SEMA4A: variants seen among roughly 807,000 people sequenced by gnomAD.
SEMA4A encodes semaphorin-4A.
Under a neutral mutation model 72.5 loss-of-function variants are expected in SEMA4A, and 52 were observed. The ratio of observed to expected loss-of-function variants is 0.72; its 90% CI spans 0.57 to 0.90. SEMA4A has a LOEUF of 0.90. Ranked by LOEUF, SEMA4A falls within the 40% of genes least tolerant of loss-of-function variation. SEMA4A has a pLI of 0.00. For synonymous variants in SEMA4A, 369 were observed against 393.1 expected (o/e 0.94, Z 0.73); for missense variants, 926 against 959.7 (o/e 0.96, Z 0.46).
chr1:156,156,301 A>G (rs1279749107), intron 2 of SEMA4A, 113 bp from the exon 3 acceptor site: 9 of 964,182 alleles, frequency 9.3e-6, no homozygotes, highest in Non-Finnish European at 1.5e-5. Context: ...TCTAGCTGCC[A>G]AGGCCTGGGG....
intron 10 of SEMA4A, among the ~76,000 whole-genome samples, chr1:156,163,643 C>T (rs2102969523): frequency 6.7e-6 from 1 of 149,942 alleles, no homozygotes; most frequent in African/African-American, 2.5e-5. Flanking sequence ...ATCGCTTGAA[C>T]CCGGGAGGCA....
intron 10 of SEMA4A, among the ~76,000 whole-genome samples, chr1:156,164,404 G>A (rs1653971853): frequency 6.6e-6 from 1 of 152,190 alleles, no homozygotes; most frequent in Non-Finnish European, 1.5e-5. Context: ...TCCACCCAGT[G>A]GTGTGCTAGA....
chr1:156,176,988 G>A lies in SEMA4A; in HGVS notation c.2277G>A (p.Glu759=), dbSNP rs748332857. Residue 759 remains glutamate, a synonymous_variant, in exon 15 of 15, where the codon GAG becomes GAA. Coordinates refer to ENST00000368285, the MANE Select transcript of SEMA4A (RefSeq NM_022367.4). ...CTGACAACAACTGCCTAGGCACTGA[G>A]GTAGCTTAAACTCTAGGCACAGGCC... The part of the protein sequence containing the change: ...VDADNNCLGT[E]VA 8 of 1,609,240 alleles carry A rather than the reference G, an allele frequency of 5.0e-6. No homozygotes were observed. In the African/African-American group the frequency reaches 9.3e-5, roughly 19 times the overall value.
At chr1:156,162,908 G>A in intron 9 of SEMA4A, 36 bp from the exon 10 acceptor site, 1 of 1,612,264 alleles carries the variant, frequency 6.2e-7, no homozygotes, top group Non-Finnish European at 8.5e-7. Flanking sequence ...TGGTGTGGCA[G>A]AGACCACAGA....
Position 156,156,510 on chromosome 1 carries a change from G to A in SEMA4A, c.236G>A (p.Gly79Glu), listed in dbSNP as rs778519911. 1 of 1,614,082 alleles carries A rather than the reference G, an allele frequency of 6.2e-7. No homozygotes were observed. The highest frequency in any genetic ancestry group is 8.5e-7 in the Non-Finnish European group (1 of 1,180,028). ...LSGDGNTLYV[G>E]AREAILALDI... ...GGTGATGGAAATACTCTCTACGTGGGGGCTCGAGAAGCCATTCTGGCCTTG... is the reference window on the plus strand; with the variant it reads ...GGTGATGGAAATACTCTCTACGTGGAGGCTCGAGAAGCCATTCTGGCCTTG... Residue 79 changes from glycine to glutamate, a missense_variant, in exon 3 of 15, where the codon GGG (glycine) becomes GAG (glutamate). Coordinates refer to ENST00000368285, the MANE Select transcript of SEMA4A (RefSeq NM_022367.4).
intron 6 of SEMA4A, 126 bp from the exon 7 acceptor site, chr1:156,160,317 A>G (rs757580250): frequency 2.6e-6 from 2 of 772,562 alleles, no homozygotes; most frequent in Non-Finnish European, 4.6e-6. Context: ...CTCCCCAGGA[A>G]GGTGCAGAAC....
In SEMA4A at chr1:156,158,758, A is replaced by C; in HGVS notation, c.502A>C (p.Lys168Gln). ...DSYLLPISEDKVMEGKGQSPF... is the reference protein window; with the variant it reads ...DSYLLPISEDQVMEGKGQSPF... The stretch of plus-strand genomic sequence containing the variant: ...CTACCTGTTGCCCATCTCGGAGGAC[A>C]AGGTCATGGAGGGAAAAGGCCAAAG... Residue 168 changes from lysine to glutamine, a missense_variant, in exon 6 of 15, where the codon AAG becomes CAG. Coordinates refer to ENST00000368285, the MANE Select transcript of SEMA4A (RefSeq NM_022367.4). 1 of 1,613,934 alleles carries C rather than the reference A, an allele frequency of 6.2e-7. No individual in the cohort carries two copies. Among genetic ancestry groups the C allele is most frequent in the Non-Finnish European group, 8.5e-7 (1 of 1,179,984 alleles).
Position 156,176,965 on chromosome 1 carries a change from GACA to G in SEMA4A, c.2260_2262del (p.Asn754del), listed in dbSNP as rs748114567. The G allele has an allele frequency of 2.7e-5, 44 of 1,612,594 alleles. No homozygotes were observed. The highest frequency in any genetic ancestry group is 1.6e-4 in the Middle Eastern group (1 of 6,062). ...GACCTCTGCCAGTGATGTGGACGCT[GACA>G]ACAACTGCCTAGGCACTGAGGTAGC... is the stretch of plus-strand genomic sequence containing the variant. On this transcript the variant is annotated inframe_deletion, in exon 15 of 15. Transcript: ENST00000368285.
chr1:156,166,233 A>G lies in SEMA4A; in HGVS notation c.1134+3139A>G, dbSNP rs370740249. The stretch of plus-strand genomic sequence containing the variant: ...TTTTTTGGTATTTTTAGTAGAAACT[A>G]GGTTTCACCATGTTGCCCAGGCTGG... On this transcript the variant is annotated intron_variant, in intron 10 of 14. Coordinates refer to ENST00000368285, the MANE Select transcript of SEMA4A (RefSeq NM_022367.4). 5.3e-5 allele frequency among the ~76,000 whole-genome samples: 8 copies of G among 150,362 alleles called. 1 individual carries two copies. Among genetic ancestry groups the G allele is most frequent in the African/African-American group, 2.0e-4 (8 of 40,854 alleles).
At chr1:156,175,433 CCT>C in intron 13 of SEMA4A, 121 bp from the exon 14 acceptor site, 1 of 1,097,448 alleles carries the variant, frequency 9.1e-7, no homozygotes, top group Non-Finnish European at 1.4e-6. Flanking sequence ...ATTCCGCGTT[CCT>C]CTCTCTGTTC....
In SEMA4A at chr1:156,176,861, A is replaced by T; in HGVS notation, c.2150A>T (p.Gln717Leu). The change falls in exon 15 of 15, where the codon CAG (glutamine) becomes CTG (leucine). Residue 717 changes from glutamine to leucine, a missense_variant. By Grantham distance (113) the Gln-to-Leu change is moderately radical. Transcript: ENST00000368285. ...GCACTCCGGGCTCGGGGCAAGGTTC[A>T]GGGCTGTGAGACCCTGCGCCCTGGG... ...LRALRARGKV[Q>L]GCETLRPGEK... is the part of the protein sequence containing the mutation. The T allele has an allele frequency of 6.2e-7, 1 of 1,614,236 alleles. No homozygotes were observed. Among genetic ancestry groups the T allele is most frequent in the Non-Finnish European group, 8.5e-7 (1 of 1,180,020 alleles).
rs1310358462 is a variant in SEMA4A, at chr1:156,167,120, C to T, written c.1134+4026C>T. Among the ~76,000 whole-genome samples, 3 of 151,722 alleles carry T rather than the reference C, an allele frequency of 2.0e-5. No homozygotes were observed. In the East Asian group the frequency reaches 5.9e-4, roughly 30 times the overall value. ...CTCAAACTCATGGGTTCAAGCAATCCTCCCACCTCAGCCTTTCAAAGTGCT... is the reference window on the plus strand; with the variant it reads ...CTCAAACTCATGGGTTCAAGCAATCTTCCCACCTCAGCCTTTCAAAGTGCT... On this transcript the variant is annotated intron_variant, in intron 10 of 14. Transcript: ENST00000368285.
rs886038670 is a variant in SEMA4A, at chr1:156,174,960, T to G, written c.1434+20T>G. 3.1e-6 allele frequency: 5 copies of G among 1,614,212 alleles called. No homozygotes were observed. The highest frequency in any genetic ancestry group is 4.2e-6 in the Non-Finnish European group (5 of 1,180,022). On this transcript the variant is annotated intron_variant, in intron 12 of 14. Transcript: ENST00000368285. ...ACCCAGGTGGGAAGGGACCTGACCA[T>G]CAAATGGCCTTCCAGTGGGGCTGGC...
intron 10 of SEMA4A, among the ~76,000 whole-genome samples, chr1:156,170,446 G>A (rs1228750864): frequency 1.9e-5 from 2 of 107,192 alleles, no homozygotes; most frequent in South Asian, 3.5e-4. Flanking sequence ...CTGGGCAACA[G>A]AGCGATACTG....
rs369653609 is a variant in SEMA4A, at chr1:156,154,661, C to A, written c.83C>A (p.Thr28Lys). 1 of 1,604,362 alleles carries A rather than the reference C, an allele frequency of 6.2e-7. No homozygotes were observed. The highest frequency in any genetic ancestry group is 1.3e-5 in the African/African-American group (1 of 75,014). The change falls in exon 2 of 15, where the codon ACG (threonine) becomes AAG (lysine). Residue 28 changes from threonine to lysine, a missense_variant. Thr to Lys is a moderately conservative substitution (Grantham distance 78, BLOSUM62 -1). Transcript: ENST00000368285. ...LFQLLQLLLP[T>K]TTAGGGGQGP... is the part of the protein sequence containing the mutation. The stretch of plus-strand genomic sequence containing the variant: ...CAACTGCTTCAGCTGCTGCTGCCGA[C>A]GACGACCGCGGGGGGAGGCGGGCAG...
In SEMA4A at chr1:156,175,186, C is replaced by G. The variant is rs746425642; in HGVS notation, c.1535C>G (p.Pro512Arg). 7 of 1,614,164 alleles carry G rather than the reference C, an allele frequency of 4.3e-6. No homozygotes were observed. Among genetic ancestry groups the G allele is most frequent in the Non-Finnish European group, 5.9e-6 (7 of 1,180,020 alleles). Residue 512 changes from proline (P) to arginine (R), a missense_variant, in exon 13 of 15, where the codon CCC (proline) becomes CGC (arginine). Physicochemically the swap from Pro to Arg is moderately radical, Grantham distance 103 (BLOSUM62 -2). Transcript: ENST00000368285. ...GTGGACTGTGTCCTTGCCCGGGACC[C>G]CCACTGTGCCTGGGACCCTGAGTCC... is the stretch of plus-strand genomic sequence containing the variant. ...SCVDCVLARD[P>R]HCAWDPESRT...
Position 156,176,299 on chromosome 1 carries a change from A to G in SEMA4A, c.1694-106A>G, listed in dbSNP as rs1655321027. On this transcript the variant is annotated intron_variant, in intron 14 of 14. Coordinates refer to ENST00000368285, the MANE Select transcript of SEMA4A (RefSeq NM_022367.4). ...CAATAGAGCCAGAACCTGCCTCAAA[A>G]AAAAAAAAAAAAGAGGGCTGGGGTC... 5.0e-6 allele frequency: 4 copies of G among 804,654 alleles called. No individual in the cohort carries two copies. The Admixed American group carries it at 9.0e-5, about 18-fold the overall frequency. 49.8% of individuals were successfully genotyped at this position (804,654 alleles called of 1,614,324 possible). A position where few individuals can be genotyped will look rare whatever the true frequency, so the allele number is the denominator to read the frequency against.
intron 6 of SEMA4A, among the ~76,000 whole-genome samples, chr1:156,159,773 A>G (rs1653403034): frequency 6.6e-6 from 1 of 151,970 alleles, no homozygotes; most frequent in Non-Finnish European, 1.5e-5. Flanking sequence ...AACAAAAACA[A>G]CAACAACAAA....
chr1:156,154,773 G>T, intron 2 of SEMA4A, 56 bp downstream of exon 2: 1 of 1,550,398 alleles, frequency 6.4e-7, no homozygotes. Flanking sequence ...GGAGGTGGGT[G>T]GAGGAAGGAG....
Sources: allele counts gnomAD v4.1 joint callset (sites outside exome capture counted in the v4.1 genomes callset), GRCh38; gene constraint gnomAD v4.1.1; transcripts MANE v1.5; gene names NCBI Gene and HGNC (gene_info 2026-07-23, HGNC 2026-07-21).